TMC1: variants seen among roughly 807,000 people sequenced by gnomAD.
The protein encoded by TMC1 is transmembrane channel like 1.
TMC1 carries 84 observed loss-of-function variants against 105.8 expected under a neutral mutation model. That is an observed-to-expected ratio of 0.79 (90% CI 0.67 to 0.95). The LOEUF is 0.95. Among genes scored for constraint, TMC1 ranks in the 40% least tolerant of loss-of-function variants. The pLI is 0.00. For missense variants in TMC1, 817 were observed against 914.1 expected, an observed-to-expected ratio of 0.89 and a Z score of 1.37; for synonymous variants, 315 against 311.5, an observed-to-expected ratio of 1.01 and a Z score of -0.12.
chr9:72,622,141 C>A (rs1173883133), intron 3 of TMC1, among the ~76,000 whole-genome samples: 2 of 152,082 alleles, frequency 1.3e-5, no homozygotes, highest in African/African-American at 4.8e-5. Flanking sequence ...TCCAGGTGCA[C>A]CTACAGGCCA....
intron 19 of TMC1, chr9:72,818,643 A>T (rs1004486673): frequency 2.6e-5 from 4 of 152,198 alleles, no homozygotes; most frequent in African/African-American, 4.8e-5. Context: ...AAGGAGAGTT[A>T]AATAAAAGAA....
chr9:72,799,749 C>G (rs1004108265), intron 17 of TMC1, among the ~76,000 whole-genome samples: 1 of 152,072 alleles, frequency 6.6e-6, no homozygotes, highest in Non-Finnish European at 1.5e-5. Flanking sequence ...TAATGGCCCT[C>G]TATAACAGTA....
At chr9:72,653,775 A>G (rs1360720316) in intron 5 of TMC1, among the ~76,000 whole-genome samples, 1 of 152,086 alleles carries the variant, frequency 6.6e-6, no homozygotes, top group Non-Finnish European at 1.5e-5. Context: ...TTCCTTCTCT[A>G]CACCCCACCA....
chr9:72,668,541 A>G (rs968406862), intron 5 of TMC1, among the ~76,000 whole-genome samples: 3 of 152,196 alleles, frequency 2.0e-5, no homozygotes, highest in Non-Finnish European at 2.9e-5. Flanking sequence ...GAATAGTCCA[A>G]CTGAGTTCCC....
chr9:72,789,602 T>C (rs1044505852), intron 15 of TMC1, among the ~76,000 whole-genome samples: 10 of 152,202 alleles, frequency 6.6e-5, no homozygotes, highest in Non-Finnish European at 1.5e-4. Context: ...ATGATAAATC[T>C]CAAGAGATTG....
chr9:72,572,008 G>A (rs942877620), intron 1 of TMC1, among the ~76,000 whole-genome samples: 1 of 151,844 alleles, frequency 6.6e-6, no homozygotes, highest in Admixed American at 6.6e-5. Context: ...GGCTAATTTT[G>A]TATTTTTAGT....
rs200933640 is a variant in TMC1 at position 72,693,956 on chromosome 9, C to CT, written c.65-577dup. Among the ~76,000 whole-genome samples, 195 of 146,932 alleles carry CT rather than the reference C, an allele frequency of 1.3e-3. 5 individuals are homozygous for CT. The East Asian group carries it at 0.028, about 21-fold the overall frequency. ...AATGATCAAGCAAATGTGTATACTA[C>CT]TTTTTTTTTTAAAGAAAAGAACAAA... On this transcript the variant is annotated intron_variant, in intron 6 of 23. Transcript: ENST00000297784.
chr9:72,734,017 C>T (rs886603448), intron 8 of TMC1, among the ~76,000 whole-genome samples: 5 of 152,160 alleles, frequency 3.3e-5, no homozygotes, highest in Middle Eastern at 3.2e-3. Context: ...GATACTGTGA[C>T]AGTCAATCTG....
intron 18 of TMC1, among the ~76,000 whole-genome samples, chr9:72,815,363 G>A (rs991899778): frequency 6.6e-6 from 1 of 152,124 alleles, no homozygotes; most frequent in African/African-American, 2.4e-5. Context: ...ATGGAGACTG[G>A]ACATTGAATT....
chr9:72,741,771 C>A (rs1329620635), intron 9 of TMC1, among the ~76,000 whole-genome samples: 1 of 152,218 alleles, frequency 6.6e-6, no homozygotes, highest in Admixed American at 6.5e-5. Flanking sequence ...TTCTCTGCCA[C>A]ATTCTCATTC....
chr9:72,556,962 A>G (rs1255149669), intron 1 of TMC1, among the ~76,000 whole-genome samples: 1 of 152,198 alleles, frequency 6.6e-6, no homozygotes, highest in Admixed American at 6.5e-5. Flanking sequence ...ATTGGCATCT[A>G]ATACGTAGAG....
chr9:72,699,942 ACG>A (rs1826613383), intron 7 of TMC1, among the ~76,000 whole-genome samples: 1 of 123,270 alleles, frequency 8.1e-6, no homozygotes, highest in Non-Finnish European at 1.6e-5. Flanking sequence ...GGGCAACAGA[ACG>A]AGACTCTGTC....
chr9:72,531,352 T>C (rs1363203380), intron 1 of TMC1, among the ~76,000 whole-genome samples: 1 of 152,240 alleles, frequency 6.6e-6, no homozygotes, highest in African/African-American at 2.4e-5. Flanking sequence ...TTTTGGCAAA[T>C]AATTTTTTAA....
intron 8 of TMC1, among the ~76,000 whole-genome samples, chr9:72,733,190 G>A (rs1304932599): frequency 6.6e-6 from 1 of 151,764 alleles, no homozygotes; most frequent in Non-Finnish European, 1.5e-5. Context: ...TCTTCTGCTT[G>A]GAGAGAAAGA....
intron 4 of TMC1, among the ~76,000 whole-genome samples, chr9:72,639,075 G>A (rs1044266329): frequency 2.0e-5 from 3 of 151,728 alleles, no homozygotes; most frequent in Non-Finnish European, 2.9e-5. Context: ...TTTAAAAAAC[G>A]TAAGTATGCA....
intron 8 of TMC1, among the ~76,000 whole-genome samples, chr9:72,736,705 TG>T (rs1407018704): frequency 6.6e-6 from 1 of 152,218 alleles, no homozygotes; most frequent in Non-Finnish European, 1.5e-5. Flanking sequence ...ATAACTCCTA[TG>T]TATACTTAGT....
intron 12 of TMC1, among the ~76,000 whole-genome samples, chr9:72,759,695 G>A (rs554184877): frequency 7.9e-4 from 121 of 152,242 alleles, no homozygotes; most frequent in Non-Finnish European, 1.4e-3. Context: ...GTTTATACTG[G>A]AAATTCACAA....
At chr9:72,610,021 C>T (rs1824997862) in intron 2 of TMC1, among the ~76,000 whole-genome samples, 1 of 152,132 alleles carries the variant, frequency 6.6e-6, no homozygotes, top group Non-Finnish European at 1.5e-5. Context: ...CTCTACTGCT[C>T]AGTGAACTAT....
intron 8 of TMC1, among the ~76,000 whole-genome samples, chr9:72,722,309 T>C (rs982765977): frequency 2.0e-5 from 3 of 152,212 alleles, no homozygotes; most frequent in Admixed American, 2.0e-4. Flanking sequence ...TAATTTGAAC[T>C]GTATTTTCCA....
Sources: allele counts gnomAD v4.1 joint callset (sites outside exome capture counted in the v4.1 genomes callset), GRCh38; gene constraint gnomAD v4.1.1; transcripts MANE v1.5; gene names NCBI Gene and HGNC (gene_info 2026-07-23, HGNC 2026-07-21).